KIAA1549L: variants seen among roughly 807,000 people sequenced by gnomAD.
The protein encoded by KIAA1549L is UPF0606 protein KIAA1549L.
In KIAA1549L, 88 loss-of-function variants were observed where a neutral mutation model predicts 160.7. That is an observed-to-expected ratio of 0.55 (90% CI 0.46 to 0.65). The LOEUF (loss-of-function observed/expected upper bound fraction) is 0.65, where lower values mean the gene tolerates loss of function less well. KIAA1549L is among the 30% of genes least tolerant of loss of function. The probability of loss-of-function intolerance (pLI) is 0.00; values close to 1 mark genes in which losing one functional copy is unlikely to be tolerated. For synonymous variants in KIAA1549L, 950 were observed against 976.7 expected (o/e 0.97, Z 0.51); for missense variants, 2,258 against 2,437.5 (o/e 0.93, Z 1.55).
At chr11:33,379,811 A>G (rs907850141) in intron 1 of KIAA1549L, among the ~76,000 whole-genome samples, 1 of 152,256 alleles carries the variant, frequency 6.6e-6, no homozygotes, top group African/African-American at 2.4e-5. Context: ...GTAGGCGCTC[A>G]GTGAATGCTA....
intron 1 of KIAA1549L, among the ~76,000 whole-genome samples, chr11:33,431,464 G>A (rs1326482718): frequency 4.6e-5 from 7 of 152,262 alleles, no homozygotes; most frequent in East Asian, 3.9e-4. Flanking sequence ...TAGATACAGC[G>A]TATCGACACA....
intron 1 of KIAA1549L, among the ~76,000 whole-genome samples, chr11:33,392,214 C>G (rs988224988): frequency 6.6e-6 from 1 of 152,120 alleles, no homozygotes; most frequent in Non-Finnish European, 1.5e-5. Flanking sequence ...CCTGCCCACC[C>G]AACATTTTAT....
At chr11:33,585,293 C>T (rs1049061646) in intron 11 of KIAA1549L, among the ~76,000 whole-genome samples, 77 of 152,180 alleles carry the variant, frequency 5.1e-4, no homozygotes, top group African/African-American at 1.5e-3. Flanking sequence ...CCGAGGCGGG[C>T]GGATCACCTG....
intron 1 of KIAA1549L, among the ~76,000 whole-genome samples, chr11:33,439,148 G>A (rs1257227241): frequency 6.6e-6 from 1 of 152,128 alleles, no homozygotes; most frequent in East Asian, 1.9e-4. Context: ...AGGCCCTCAG[G>A]TGATCCACCT....
chr11:33,392,685 A>C (rs1194574884), intron 1 of KIAA1549L, among the ~76,000 whole-genome samples: 1 of 152,156 alleles, frequency 6.6e-6, no homozygotes, highest in African/African-American at 2.4e-5. Context: ...GTTTTTCACC[A>C]TAGTTTAGTT....
At chr11:33,436,537 G>A (rs909337090) in intron 1 of KIAA1549L, among the ~76,000 whole-genome samples, 3 of 152,188 alleles carry the variant, frequency 2.0e-5, no homozygotes, top group South Asian at 2.1e-4. Context: ...AGAAATGCCC[G>A]CACAGACACA....
chr11:33,387,207 G>A (rs577133093), intron 1 of KIAA1549L, among the ~76,000 whole-genome samples: 3 of 152,166 alleles, frequency 2.0e-5, no homozygotes, highest in Non-Finnish European at 2.9e-5. Flanking sequence ...TTTAAGGCCC[G>A]TGAGCTTACA....
At chr11:33,614,482 C>T (rs1009317844) in intron 15 of KIAA1549L, among the ~76,000 whole-genome samples, 1 of 124,680 alleles carries the variant, frequency 8.0e-6, no homozygotes, top group African/African-American at 2.8e-5. Context: ...AGTCACACTC[C>T]CCTGTGGTAT....
intron 20 of KIAA1549L, 119 bp downstream of exon 20, chr11:33,661,133 A>G (rs1590460297): frequency 2.0e-6 from 2 of 1,015,316 alleles, no homozygotes; most frequent in South Asian, 3.5e-5. Flanking sequence ...CAGTACCCGG[A>G]TGACTAAAGT....
chr11:33,533,989 T>G (rs1173774879), intron 1 of KIAA1549L, among the ~76,000 whole-genome samples: 1 of 152,210 alleles, frequency 6.6e-6, no homozygotes, highest in Non-Finnish European at 1.5e-5. Flanking sequence ...TGTCCCTGGT[T>G]GGGCAATCAT....
chr11:33,620,179 G>A (rs2133353152), intron 16 of KIAA1549L, among the ~76,000 whole-genome samples: 1 of 152,332 alleles, frequency 6.6e-6, no homozygotes. Context: ...TCTGTGGAAT[G>A]TCATGTTAGC....
intron 1 of KIAA1549L, among the ~76,000 whole-genome samples, chr11:33,538,889 C>T (rs993965488): frequency 2.6e-5 from 4 of 152,178 alleles, no homozygotes; most frequent in Admixed American, 2.6e-4. Context: ...TCATAAGGAA[C>T]TCTAGTCAAC....
chr11:33,477,758 G>A (rs548065799), intron 1 of KIAA1549L, among the ~76,000 whole-genome samples: 12 of 152,056 alleles, frequency 7.9e-5, no homozygotes, highest in African/African-American at 2.4e-4. Flanking sequence ...TGAGCTCCTC[G>A]AAGGACTGTA....
intron 11 of KIAA1549L, among the ~76,000 whole-genome samples, chr11:33,584,495 G>A (rs1590368576): frequency 6.6e-6 from 1 of 152,216 alleles, no homozygotes; most frequent in Non-Finnish European, 1.5e-5. Flanking sequence ...AATGGACTAG[G>A]ACATGCTGCA....
chr11:33,403,887 T>C (rs1213602660), intron 1 of KIAA1549L, among the ~76,000 whole-genome samples: 4 of 152,224 alleles, frequency 2.6e-5, no homozygotes, highest in African/African-American at 9.6e-5. Flanking sequence ...GTGTATACCA[T>C]ACCTTTGTTT....
At chr11:33,615,196 G>A (rs1340622561) in intron 15 of KIAA1549L, among the ~76,000 whole-genome samples, 1 of 152,006 alleles carries the variant, frequency 6.6e-6, no homozygotes, top group Non-Finnish European at 1.5e-5. Context: ...CCCACGTAAG[G>A]TAATAATATA....
At chr11:33,380,541 A>C (rs1026834804) in intron 1 of KIAA1549L, among the ~76,000 whole-genome samples, 1 of 152,178 alleles carries the variant, frequency 6.6e-6, no homozygotes, top group Non-Finnish European at 1.5e-5. Context: ...GTGGATATCT[A>C]TCAGGTCCGC....
At chr11:33,458,188 A>G (rs1851869290) in intron 1 of KIAA1549L, among the ~76,000 whole-genome samples, 1 of 152,264 alleles carries the variant, frequency 6.6e-6, no homozygotes, top group Non-Finnish European at 1.5e-5. Flanking sequence ...AGGTGGGGCC[A>G]GCACAGGGCC....
intron 16 of KIAA1549L, among the ~76,000 whole-genome samples, chr11:33,633,137 A>G (rs1590419832): frequency 1.1e-5 from 1 of 87,604 alleles, no homozygotes; most frequent in African/African-American, 4.8e-5. Context: ...CACCATGCCC[A>G]GCTTTTTTTT....
Sources: allele counts gnomAD v4.1 joint callset (sites outside exome capture counted in the v4.1 genomes callset), GRCh38; gene constraint gnomAD v4.1.1; transcripts MANE v1.5; gene names NCBI Gene and HGNC (gene_info 2026-07-23, HGNC 2026-07-21).